Variants in DMD observed in about 807,000 individuals in gnomAD.
DMD encodes the protein mutant dystrophin.
In DMD, 63 loss-of-function variants were observed where a neutral mutation model predicts 330.1. The ratio of observed to expected loss-of-function variants is 0.19; its 90% CI spans 0.16 to 0.24. The LOEUF (loss-of-function observed/expected upper bound fraction) is 0.24. Among genes scored for constraint, DMD ranks in the 10% least tolerant of loss-of-function variants. DMD has a pLI of 1.00. For missense variants in DMD, 3,344 were observed against 2,684.1 expected (o/e 1.25, Z -5.43); for synonymous variants, 1,223 against 959.8 (o/e 1.27, Z -5.07).
chrX:31,951,885 G>C (rs1261008436), intron 45 of DMD, among the ~76,000 whole-genome samples: 1 of 111,199 alleles, frequency 9.0e-6, no homozygotes. Flanking sequence ...TTTCTTGTAA[G>C]TCAGGTCAGC....
intron 2 of DMD, among the ~76,000 whole-genome samples, chrX:32,877,185 C>G (rs139670321): frequency 2.1e-4 from 24 of 112,047 alleles, no homozygotes; most frequent in African/African-American, 7.1e-4. Flanking sequence ...GACTACACTT[C>G]TGACACCCTG....
chrX:32,324,426 A>G (rs1012834838), intron 41 of DMD, among the ~76,000 whole-genome samples: 1 of 111,526 alleles, frequency 9.0e-6, no homozygotes, highest in African/African-American at 3.2e-5. Flanking sequence ...CACAAGAAAC[A>G]TAAAAATACA....
intron 2 of DMD, among the ~76,000 whole-genome samples, chrX:32,879,021 A>AAAAAAC (rs1352069437): frequency 2.0e-5 from 2 of 101,792 alleles, no homozygotes; most frequent in East Asian, 3.2e-4. Flanking sequence ...AAAAAAACAA[A>AAAAAAC]AAACAAAAAA....
intron 44 of DMD, among the ~76,000 whole-genome samples, chrX:32,060,940 T>C (rs139761911): frequency 2.7e-3 from 304 of 111,396 alleles, no homozygotes; most frequent in Middle Eastern, 0.014. Context: ...ACTTAGCCTC[T>C]CTGTGCTCCA....
intron 29 of DMD, among the ~76,000 whole-genome samples, chrX:32,432,752 C>T (rs1019466433): frequency 3.6e-5 from 4 of 111,959 alleles, no homozygotes; most frequent in African/African-American, 1.3e-4. Flanking sequence ...CATAATATGC[C>T]ACTTATTTTC....
intron 44 of DMD, among the ~76,000 whole-genome samples, chrX:32,019,295 A>G (rs1276496474): frequency 9.0e-6 from 1 of 111,351 alleles, no homozygotes; most frequent in African/African-American, 3.3e-5. Context: ...GTCACGACGA[A>G]TATATTTCTA....
chrX:32,116,936 T>C (rs1054308260), intron 44 of DMD, among the ~76,000 whole-genome samples: 23 of 111,971 alleles, frequency 2.1e-4, no homozygotes, highest in Non-Finnish European at 3.8e-4. Flanking sequence ...TCCCACATAC[T>C]TCTCTGAATA....
chrX:31,277,573 C>T (rs1165400182), intron 62 of DMD, among the ~76,000 whole-genome samples: 1 of 111,043 alleles, frequency 9.0e-6, no homozygotes, highest in Non-Finnish European at 1.9e-5. Context: ...TGCATGGTGT[C>T]GACTTTCAGA....
Position 32,599,184 on chromosome X carries a change from T to C in DMD, c.1483-3308A>G, listed in dbSNP as rs2055902688. Among the ~76,000 whole-genome samples the C allele has an allele frequency of 7.1e-5, 8 of 112,056 alleles. No individual in the cohort carries two copies. In the South Asian group the frequency reaches 2.9e-3, roughly 41 times the overall value. ...TCTCAGACTTCAAATGCGAAATAAA[T>C]ATTAGTGAATATAACTGTATTAGCT... On this transcript the variant is annotated intron_variant, in intron 12 of 78. Coordinates refer to ENST00000357033, the MANE Select transcript of DMD (RefSeq NM_004006.3).
chrX:31,146,589 G>A (rs991985026), intron 75 of DMD, among the ~76,000 whole-genome samples, 175 bp from the exon 76 acceptor site: 6 of 112,107 alleles, frequency 5.4e-5, no homozygotes. Flanking sequence ...CATAGAAACT[G>A]TCTTTGTATC....
chrX:31,574,881 T>C (rs1184289827), intron 55 of DMD, among the ~76,000 whole-genome samples: 1 of 111,999 alleles, frequency 8.9e-6, no homozygotes, highest in Non-Finnish European at 1.9e-5. Flanking sequence ...CTTTTGCAAA[T>C]GTCACCTTCT....
chrX:31,565,037 ATTGTT>A (rs957977492), intron 55 of DMD, among the ~76,000 whole-genome samples: 5 of 112,276 alleles, frequency 4.5e-5, no homozygotes, highest in East Asian at 2.8e-4. Context: ...AAATTTCTGA[ATTGTT>A]TTATTTGTTT....
At chrX:32,683,692 T>A (rs1159019081) in intron 9 of DMD, among the ~76,000 whole-genome samples, 1 of 104,733 alleles carries the variant, frequency 9.5e-6, no homozygotes, top group Non-Finnish European at 2.0e-5. Context: ...TACCTAATGT[T>A]AAATGATGAG....
At chrX:32,637,567 G>A (rs921151311) in intron 11 of DMD, among the ~76,000 whole-genome samples, 11 of 111,420 alleles carry the variant, frequency 9.9e-5, no homozygotes, top group African/African-American at 3.3e-4. Flanking sequence ...CTGTTCTCAC[G>A]CTGCTAATTA....
At chrX:32,675,477 T>C (rs1350085288) in intron 9 of DMD, among the ~76,000 whole-genome samples, 1 of 111,937 alleles carries the variant, frequency 8.9e-6, no homozygotes, top group Admixed American at 9.5e-5. Flanking sequence ...AACCTGCCTG[T>C]ATTTTACCTT....
chrX:32,411,510 G>A (rs2098141988), intron 30 of DMD, among the ~76,000 whole-genome samples: 1 of 111,321 alleles, frequency 9.0e-6, no homozygotes, highest in South Asian at 3.8e-4. Context: ...ACACCAGAAC[G>A]TATTGCTCCT....
chrX:31,548,558 CTT>C (rs754058241), intron 55 of DMD, among the ~76,000 whole-genome samples: 7 of 95,407 alleles, frequency 7.3e-5, no homozygotes, highest in Non-Finnish European at 8.5e-5. Context: ...TTTTCTTTTT[CTT>C]TTTTTTTTTT....
intron 44 of DMD, among the ~76,000 whole-genome samples, chrX:32,204,775 CA>C (rs952197773): frequency 1.8e-5 from 2 of 109,608 alleles, no homozygotes; most frequent in Non-Finnish European, 3.8e-5. Flanking sequence ...TGGTGGAAGG[CA>C]AAGGGGAGAG....
At position 31,120,637 on chromosome X, in the gene DMD, C is replaced by A. The variant is rs752873899; in HGVS notation, c.*1282G>T. On this transcript the variant is annotated 3_prime_UTR_variant, in exon 79 of 79. Coordinates refer to ENST00000357033, the MANE Select transcript of DMD (RefSeq NM_004006.3). Reference sequence around the variant, plus strand: ...ATAATTTAGTTGTAATTACAGAGAACTTTATGTATTATGAACAATCATCCA... The same window carrying A: ...ATAATTTAGTTGTAATTACAGAGAAATTTATGTATTATGAACAATCATCCA... 8.9e-6 allele frequency: 1 copy of A among 111,975 alleles called. No individual in the cohort carries two copies. Among genetic ancestry groups the A allele is most frequent in the East Asian group, 2.8e-4 (1 of 3,565 alleles). The allele number at this position is 111,975 out of a possible 1,213,427, so 9.2% of individuals were successfully genotyped here. A position where few individuals can be genotyped will look rare whatever the true frequency, so the allele number is the denominator to read the frequency against.
Sources: gnomAD v4.1 joint callset for allele counts (sites outside exome capture counted in the v4.1 genomes callset) on GRCh38, gnomAD v4.1.1 for gene constraint, MANE v1.5 for transcripts, NCBI Gene and HGNC (gene_info 2026-07-23, HGNC 2026-07-21) for gene names.